Variants in PSD3 observed in about 807,000 individuals in gnomAD.
The protein encoded by PSD3 is PH and SEC7 domain-containing protein 3.
In PSD3, 49 loss-of-function variants were observed where a neutral mutation model predicts 105.5. The ratio of observed to expected loss-of-function variants is 0.46; its 90% CI spans 0.37 to 0.59. The LOEUF (loss-of-function observed/expected upper bound fraction) is 0.59, where lower values mean the gene tolerates loss of function less well. PSD3 is among the 20% of genes least tolerant of loss of function. The pLI is 0.00. For synonymous variants in PSD3, 557 were observed against 457.8 expected (o/e 1.22, Z -2.77); for missense variants, 1,561 against 1,263.8 (o/e 1.24, Z -3.57).
At chr8:18,937,515 G>C (rs1822217279) in intron 1 of PSD3, among the ~76,000 whole-genome samples, 1 of 151,996 alleles carries the variant, frequency 6.6e-6, no homozygotes, top group South Asian at 2.1e-4. Flanking sequence ...CACCCCACTG[G>C]AGACAGGTTC....
At chr8:18,744,534 C>G (rs1804828254) in intron 9 of PSD3, among the ~76,000 whole-genome samples, 1 of 152,194 alleles carries the variant, frequency 6.6e-6, no homozygotes, top group Non-Finnish European at 1.5e-5. Flanking sequence ...GTATACAATG[C>G]TGCTTTTAAT....
At chr8:18,602,651 A>G (rs13249505) in intron 11 of PSD3, among the ~76,000 whole-genome samples, 15,682 of 152,002 alleles carry the variant, frequency 0.1, 999 homozygotes, top group South Asian at 0.16. Context: ...GTAAGGTACT[A>G]TTGATACTTC....
At chr8:18,821,717 A>ACACACACACC (rs1554513425) in intron 4 of PSD3, among the ~76,000 whole-genome samples, 21,747 of 140,468 alleles carry the variant, frequency 0.15, 1,932 homozygotes, top group Admixed American at 0.21. Flanking sequence ...ACACACACAC[A>ACACACACACC]CCCCAATAAC....
At chr8:18,954,267 G>C (rs1353998468) in intron 1 of PSD3, among the ~76,000 whole-genome samples, 2 of 152,068 alleles carry the variant, frequency 1.3e-5, no homozygotes, top group African/African-American at 4.8e-5. Flanking sequence ...TGGATATGAG[G>C]GGCCCAAGAT....
At chr8:18,712,520 A>G (rs905325916) in intron 9 of PSD3, among the ~76,000 whole-genome samples, 1 of 152,228 alleles carries the variant, frequency 6.6e-6, no homozygotes, top group Admixed American at 6.5e-5. Context: ...GAAAATCTAG[A>G]AGAAATGGAT....
intron 15 of PSD3, among the ~76,000 whole-genome samples, chr8:18,552,731 T>C (rs770378554): frequency 7.9e-5 from 12 of 152,318 alleles, no homozygotes; most frequent in Admixed American, 1.3e-4. Flanking sequence ...TGGGAAATGA[T>C]GGTGAGTTTC....
intron 1 of PSD3, among the ~76,000 whole-genome samples, chr8:18,962,448 A>AACAC (rs139143364): frequency 6.6e-6 from 1 of 152,068 alleles, no homozygotes; most frequent in African/African-American, 2.4e-5. Flanking sequence ...AATATATGAC[A>AACAC]ACACACACAC....
intron 9 of PSD3, among the ~76,000 whole-genome samples, chr8:18,676,499 T>C (rs1244078045): frequency 6.6e-6 from 1 of 152,230 alleles, no homozygotes; most frequent in African/African-American, 2.4e-5. Flanking sequence ...GCTCTCATAA[T>C]GTTTAAATAT....
chr8:18,697,679 G>A (rs1801335096), intron 9 of PSD3, among the ~76,000 whole-genome samples: 1 of 152,118 alleles, frequency 6.6e-6, no homozygotes, highest in Admixed American at 6.5e-5. Context: ...CCAAAGCTCT[G>A]CCTGTGATTG....
chr8:18,959,162 C>T (rs948024812), intron 1 of PSD3, among the ~76,000 whole-genome samples: 1 of 152,162 alleles, frequency 6.6e-6, no homozygotes, highest in African/African-American at 2.4e-5. Flanking sequence ...CTCAAGTGAC[C>T]CGCCCGACTC....
chr8:18,820,416 A>T (rs1248777067), intron 4 of PSD3, among the ~76,000 whole-genome samples: 1 of 152,134 alleles, frequency 6.6e-6, no homozygotes, highest in Non-Finnish European at 1.5e-5. Flanking sequence ...CTGGTTCTAG[A>T]ACACTCCCCT....
chr8:18,683,927 A>G (rs750378881), intron 9 of PSD3: 1 of 762,056 alleles, frequency 1.3e-6, no homozygotes, highest in South Asian at 1.3e-5. Context: ...TATTCACGCC[A>G]ATCATTTTCG....
intron 2 of PSD3, among the ~76,000 whole-genome samples, chr8:18,914,028 T>A (rs896839009): frequency 1.3e-5 from 2 of 152,052 alleles, no homozygotes; most frequent in African/African-American, 4.8e-5. Context: ...GCTCCAGACT[T>A]GAACCTGAAA....
intron 1 of PSD3, among the ~76,000 whole-genome samples, chr8:19,012,833 G>T (rs754430053): frequency 1.3e-5 from 2 of 152,156 alleles, no homozygotes; most frequent in Non-Finnish European, 2.9e-5. Flanking sequence ...GGAAATCCTG[G>T]ATCCCGCTAT....
chr8:18,576,042 C>A (rs775032344), intron 12 of PSD3, among the ~76,000 whole-genome samples: 5 of 152,130 alleles, frequency 3.3e-5, no homozygotes, highest in Admixed American at 6.6e-5. Context: ...CACACCACAT[C>A]ACCTTCTAAT....
intron 1 of PSD3, among the ~76,000 whole-genome samples, chr8:19,006,294 CA>C (rs58023537): frequency 0.24 from 19,704 of 80,842 alleles, 2,136 homozygotes; most frequent in African/African-American, 0.39. Flanking sequence ...AACTCCATCT[CA>C]AAAAAAAAAA....
chr8:18,536,770 G>A lies in PSD3; in HGVS notation c.2929-812C>T, dbSNP rs377267079. Reference sequence around the variant, plus strand: ...GCTCTGGCACTTTTTTTTTCTTCCAGTTTCTATCCCAATCAATATATAGAA... The same window carrying A: ...GCTCTGGCACTTTTTTTTTCTTCCAATTTCTATCCCAATCAATATATAGAA... On this transcript the variant is annotated intron_variant, in intron 15 of 15. Coordinates refer to ENST00000327040, the MANE Select transcript of PSD3 (RefSeq NM_015310.4). Among the ~76,000 whole-genome samples the A allele has an allele frequency of 8.8e-5, 13 of 148,400 alleles. No individual in the cohort carries two copies. In the East Asian group the frequency reaches 2.0e-3, roughly 23 times the overall value.
chr8:18,567,190 A>C (rs1013972524), intron 14 of PSD3, among the ~76,000 whole-genome samples: 1 of 152,178 alleles, frequency 6.6e-6, no homozygotes, highest in Non-Finnish European at 1.5e-5. Flanking sequence ...ACTGAATGTG[A>C]GAAAGACCCA....
intron 9 of PSD3, among the ~76,000 whole-genome samples, chr8:18,715,458 T>C (rs778125991): frequency 6.6e-6 from 1 of 152,244 alleles, no homozygotes; most frequent in African/African-American, 2.4e-5. Context: ...CCTTGAATTA[T>C]CCTCATTCAA....
Sources: allele counts gnomAD v4.1 joint callset (sites outside exome capture counted in the v4.1 genomes callset), GRCh38; gene constraint gnomAD v4.1.1; transcripts MANE v1.5; gene names NCBI Gene and HGNC (gene_info 2026-07-23, HGNC 2026-07-21).